Variants in DDHD2 observed in about 807,000 individuals in gnomAD.
DDHD2 encodes DDHD domain containing 2.
DDHD2 carries 62 observed loss-of-function variants against 91.2 expected under a neutral mutation model. The ratio of observed to expected loss-of-function variants is 0.68; its 90% confidence interval spans 0.55 to 0.84. The LOEUF (loss-of-function observed/expected upper bound fraction) is 0.84, where lower values mean the gene tolerates loss of function less well. DDHD2 is among the 40% of genes least tolerant of loss of function. DDHD2 has a pLI of 0.00. For synonymous variants in DDHD2, 271 were observed against 293.9 expected (o/e 0.92, Z 0.80); for missense variants, 740 against 846.9 (o/e 0.87, Z 1.57).
chr8:38,263,203 TG>T (rs1254697644), downstream of DDHD2: 1 of 163,424 alleles, frequency 6.1e-6, no homozygotes, highest in East Asian at 1.9e-4. Context: ...TAAAAGACAA[TG>T]TCATATTTAA....
chr8:38,256,267 A>G (rs1035243369), intron 16 of DDHD2, among the ~76,000 whole-genome samples: 2 of 152,050 alleles, frequency 1.3e-5, no homozygotes, highest in East Asian at 3.8e-4. Context: ...GGAATCCTAC[A>G]GTATATACTT....
At chr8:38,251,849 C>T in intron 11 of DDHD2, 63 bp from the exon 12 acceptor site, 1 of 1,205,850 alleles carries the variant, frequency 8.3e-7, no homozygotes, top group Non-Finnish European at 1.2e-6. Flanking sequence ...TCCTGAGTAG[C>T]TGGGACTACA....
chr8:38,246,498 A>C (rs777412621), intron 9 of DDHD2, among the ~76,000 whole-genome samples, 198 bp downstream of exon 9: 1 of 152,210 alleles, frequency 6.6e-6, no homozygotes, highest in African/African-American at 2.4e-5. Flanking sequence ...TGCTTCTACA[A>C]ATAATAATTG....
chr8:38,272,787 A>C (rs1009634243), downstream of DDHD2: 2 of 152,214 alleles, frequency 1.3e-5, no homozygotes, highest in Non-Finnish European at 2.9e-5. Context: ...CCAACTTCAG[A>C]CTATGAGTGA....
chr8:38,259,219 CT>C (rs34652032), intron 16 of DDHD2, among the ~76,000 whole-genome samples: 197 of 142,442 alleles, frequency 1.4e-3, no homozygotes, highest in Middle Eastern at 3.6e-3. Context: ...TTCTTACTGG[CT>C]TTTTTTTTTT....
Position 38,240,277 on chromosome 8 carries a change from G to T in DDHD2, c.625G>T (p.Glu209Ter). 1.3e-6 allele frequency: 2 copies of T among 1,595,922 alleles called. No individual in the cohort carries two copies. The highest frequency in any genetic ancestry group is 1.7e-6 in the Non-Finnish European group (2 of 1,165,564). Reference protein sequence around the residue: ...ENISVDIHCGEPLQIDHLVFV... With the variant: ...ENISVDIHCG ...TTTCTTTTTAATTTCATTTATAGGA[G>T]AACCTTTACAAATAGATCACTTGGT... The change falls in exon 6 of 18, where the codon GAA (glutamate) becomes TAA (stop). Residue 209 changes from glutamate (E) to a stop codon, truncating the protein, a stop_gained and splice_region_variant. Transcript: ENST00000397166. LOFTEE classifies it high-confidence loss of function.
At chr8:38,254,725 T>C (rs546190425) in intron 16 of DDHD2, among the ~76,000 whole-genome samples, 1 of 151,996 alleles carries the variant, frequency 6.6e-6, no homozygotes, top group African/African-American at 2.4e-5. Context: ...GGATTAATGA[T>C]GCTTATTGAA....
chr8:38,265,108 A>G, downstream of DDHD2: 1 of 608,080 alleles, frequency 1.6e-6, no homozygotes, highest in Non-Finnish European at 2.9e-6. Flanking sequence ...TCTACTAAAA[A>G]TACAAAAATT....
At chr8:38,247,447 T>G in intron 9 of DDHD2, 1 of 206,264 alleles carries the variant, frequency 4.8e-6, no homozygotes, top group Non-Finnish European at 9.6e-6. Flanking sequence ...TAAGCACTGT[T>G]TTCCTAATTT....
Position 38,245,886 on chromosome 8 carries a change from C to T in DDHD2, c.993C>T (p.Tyr331=), listed in dbSNP as rs1434711869. Residue 331 remains tyrosine, a synonymous_variant, in exon 8 of 18, where the codon TAC becomes TAT. Coordinates refer to ENST00000397166, the MANE Select transcript of DDHD2 (RefSeq NM_015214.3). ...DTVASEMNRI[Y]TLFLQRNPDF... ...TTGCTTCTGAAATGAACCGAATATACACACTTTTTCTACAGAGGAACCCTG... is the reference window on the plus strand; with the variant it reads ...TTGCTTCTGAAATGAACCGAATATATACACTTTTTCTACAGAGGAACCCTG... The T allele has an allele frequency of 1.9e-6, 3 of 1,614,026 alleles. No individual in the cohort carries two copies. The highest frequency in any genetic ancestry group is 1.3e-5 in the African/African-American group (1 of 74,918).
intron 10 of DDHD2, 45 bp downstream of exon 10, chr8:38,247,880 T>A: frequency 2.0e-6 from 3 of 1,479,418 alleles, no homozygotes; most frequent in African/African-American, 2.9e-5. Flanking sequence ...ATTTTCAGTA[T>A]TTTTGTTTAT....
At chr8:38,263,747 T>C (rs1286931609), downstream of DDHD2, 2 of 985,290 alleles carry the variant, frequency 2.0e-6, no homozygotes, top group African/African-American at 3.5e-5. Context: ...TTGAGCTATA[T>C]GAAATGGAAA....
rs574538140 is a variant in DDHD2 at position 38,235,348 on chromosome 8, C to T, written c.411+764C>T. Among the ~76,000 whole-genome samples the T allele has an allele frequency of 1.4e-3, 209 of 152,172 alleles. 1 individual carries two copies. The highest frequency in any genetic ancestry group is 4.7e-3 in the African/African-American group (197 of 41,530). On this transcript the variant is annotated intron_variant, in intron 3 of 17. Coordinates refer to ENST00000397166, the MANE Select transcript of DDHD2 (RefSeq NM_015214.3). ...TCGGCCTCCCAAAGTGCTGGGATTA[C>T]AGGTGTGAGCTACTGTGCTTGGCCT...
chr8:38,265,999 G>T, downstream of DDHD2: 1 of 545,358 alleles, frequency 1.8e-6, no homozygotes, highest in South Asian at 7.2e-5. Context: ...AATTTTAAAT[G>T]TACTTAGTAC....
chr8:38,266,548 G>A (rs1288916168), downstream of DDHD2: 1 of 400,100 alleles, frequency 2.5e-6, no homozygotes, highest in Non-Finnish European at 4.5e-6. Context: ...CTCCATGTGT[G>A]TGCCACCATG....
chr8:38,245,977 G>C, intron 8 of DDHD2, 27 bp downstream of exon 8: 1 of 1,585,962 alleles, frequency 6.3e-7, no homozygotes, highest in South Asian at 1.1e-5. Context: ...TGTGTGACCA[G>C]AGAAGACTAT....
chr8:38,247,847 C>A lies in DDHD2; in HGVS notation c.1248+12C>A, dbSNP rs993676264. On this transcript the variant is annotated intron_variant, in intron 10 of 17. Transcript: ENST00000397166. ...ATAAGGAAGCTCTGGTAAAAATAAT[C>A]TTTTAAAACTTTATGCCAAGCCATT... The A allele has an allele frequency of 8.4e-6, 13 of 1,545,632 alleles. No homozygotes were observed. Among genetic ancestry groups the A allele is most frequent in the African/African-American group, 1.4e-5 (1 of 71,120 alleles).
intron 2 of DDHD2, 61 bp from the exon 3 acceptor site, chr8:38,234,333 T>A: frequency 7.8e-7 from 1 of 1,283,958 alleles, no homozygotes; most frequent in Non-Finnish European, 1.1e-6. Context: ...AACTGAGAAT[T>A]GTATGTTGGG....
intron 1 of DDHD2, chr8:38,269,104 C>G: frequency 1.3e-6 from 2 of 1,526,456 alleles, no homozygotes; most frequent in Non-Finnish European, 1.8e-6. Flanking sequence ...GCCGCCCGGG[C>G]CCGGCCGTGG....
Sources: allele counts gnomAD v4.1 joint callset (sites outside exome capture counted in the v4.1 genomes callset), GRCh38; gene constraint gnomAD v4.1.1; transcripts MANE v1.5; gene names NCBI Gene and HGNC (gene_info 2026-07-23, HGNC 2026-07-21).